TMEM43: variants seen among roughly 807,000 people sequenced by gnomAD.
The protein encoded by TMEM43 is transmembrane protein 43.
In TMEM43, 45 loss-of-function variants were observed where a neutral mutation model predicts 49.6. The observed-to-expected ratio is 0.91, with a 90% CI of 0.71 to 1.16. TMEM43 has a LOEUF of 1.16. TMEM43 is among the 50% of genes most tolerant of loss of function. The pLI is 0.00. For missense variants in TMEM43, 532 were observed against 516.6 expected, an observed-to-expected ratio of 1.03 and a Z score of -0.29; for synonymous variants, 199 against 207.8, an observed-to-expected ratio of 0.96 and a Z score of 0.36.
At position 14,125,968 on chromosome 3, in the gene TMEM43, C is replaced by T. The variant is rs183899611; in HGVS notation, c.12+763C>T. ...GAGAAGCTGGTGACTCACCTCTCCC[C>T]TCCTCTGTGAAAGTGCTTCTAGGGC... On this transcript the variant is annotated intron_variant, in intron 1 of 11. Transcript: ENST00000306077. Among the ~76,000 whole-genome samples the T allele has an allele frequency of 5.9e-3, 896 of 152,266 alleles. 4 individuals carry two copies. The highest frequency in any genetic ancestry group is 0.021 in the African/African-American group (861 of 41,550).
rs200652985 is a variant in TMEM43, at chr3:14,130,877, C to A, written c.218C>A (p.Ser73Tyr). 1 of 1,613,700 alleles carries A rather than the reference C, an allele frequency of 6.2e-7. No homozygotes were observed. Among genetic ancestry groups the A allele is most frequent in the Non-Finnish European group, 8.5e-7 (1 of 1,179,832 alleles). The change falls in exon 3 of 12, where the codon TCT becomes TAT. Residue 73 changes from serine to tyrosine, a missense_variant. Transcript: ENST00000306077. The part of the protein sequence containing the change: ...SLAEGLSLVV[S>Y]PDSIHSVAPE... ...GCTGAGGGGCTCTCGCTTGTGGTGT[C>A]TCCCGACAGCATCCACAGTGTGGCT...
At chr3:14,134,639 A>G in intron 7 of TMEM43, 131 bp from the exon 8 acceptor site, 1 of 1,216,184 alleles carries the variant, frequency 8.2e-7, no homozygotes, top group African/African-American at 1.5e-5. Flanking sequence ...AGAGTCAGAA[A>G]GAGGCACTGC....
chr3:14,127,872 C>A (rs2124984123), intron 1 of TMEM43, among the ~76,000 whole-genome samples: 1 of 152,308 alleles, frequency 6.6e-6, no homozygotes, highest in Admixed American at 6.5e-5. Flanking sequence ...CAAATCACTC[C>A]TCTGGCCCCC....
rs1421000649 is a variant in TMEM43 at position 14,125,092 on chromosome 3, C to T, written c.-102C>T. 3.3e-6 allele frequency: 5 copies of T among 1,506,678 alleles called. No individual in the cohort carries two copies. In the East Asian group the frequency reaches 9.4e-5, roughly 28 times the overall value. The allele number at this position is 1,506,678 out of a possible 1,614,324, so 93.3% of individuals were successfully genotyped here. Reference sequence around the variant, plus strand: ...TGGCCCTGGAGTCCACGCGGATTTTCGAAGCTGGGGCTGGCAAGAGGCCGC... The same window carrying T: ...TGGCCCTGGAGTCCACGCGGATTTTTGAAGCTGGGGCTGGCAAGAGGCCGC... On this transcript the variant is annotated 5_prime_UTR_variant, in exon 1 of 12. Coordinates refer to ENST00000306077, the MANE Select transcript of TMEM43 (RefSeq NM_024334.3).
At chr3:14,135,071 C>G in intron 8 of TMEM43, 87 bp from the exon 9 acceptor site, 1 of 1,487,128 alleles carries the variant, frequency 6.7e-7, no homozygotes, top group Non-Finnish European at 9.3e-7. Flanking sequence ...GGGAGAAGAG[C>G]CTGAGGGGCG....
At chr3:14,133,668 C>A in intron 6 of TMEM43, 71 bp from the exon 7 acceptor site, 3 of 1,483,608 alleles carry the variant, frequency 2.0e-6, no homozygotes, top group Non-Finnish European at 2.8e-6. Flanking sequence ...CTGCCCAGCA[C>A]AAACAACCCA....
chr3:14,140,607 G>A (rs1456267789), intron 11 of TMEM43, among the ~76,000 whole-genome samples: 1 of 152,174 alleles, frequency 6.6e-6, no homozygotes, highest in African/African-American at 2.4e-5. Context: ...CCTGGTTCTG[G>A]CACTTTCTAA....
chr3:14,129,307 T>TTAA, intron 1 of TMEM43, 105 bp from the exon 2 acceptor site: 1 of 378,884 alleles, frequency 2.6e-6, no homozygotes, highest in Non-Finnish European at 4.1e-6. Flanking sequence ...CAGTTAAAAC[T>TTAA]AAAAAAAAAA....
Position 14,134,771 on chromosome 3 carries a change from C to T in TMEM43, c.585C>T (p.Gly195=). ...TTCTAACCACTCTGGTCCCCTCAGG[C>T]CTCATCGACAAAGTCGACAACTTCA... is the stretch of plus-strand genomic sequence containing the variant. ...VQIGRFFLSS[G]LIDKVDNFKS... is the part of the protein sequence containing the mutation. The change falls in exon 8 of 12, where the codon GGC becomes GGT. Residue 195 remains glycine, a splice_region_variant and synonymous_variant. Coordinates refer to ENST00000306077, the MANE Select transcript of TMEM43 (RefSeq NM_024334.3). The T allele has an allele frequency of 6.2e-7, 1 of 1,614,118 alleles. No homozygotes were observed. The highest frequency in any genetic ancestry group is 8.5e-7 in the Non-Finnish European group (1 of 1,179,968).
At chr3:14,141,488 T>C in intron 11 of TMEM43, 105 bp from the exon 12 acceptor site, 1 of 1,094,580 alleles carries the variant, frequency 9.1e-7, no homozygotes, top group Non-Finnish European at 1.4e-6. Context: ...CCCCTCCTCA[T>C]GCATGTAGCA....
At chr3:14,134,499 G>A (rs761282345) in intron 7 of TMEM43, among the ~76,000 whole-genome samples, 13 of 152,200 alleles carry the variant, frequency 8.5e-5, no homozygotes, top group Non-Finnish European at 1.6e-4. Flanking sequence ...GTGGATGGCC[G>A]TAACCTTGAT....
chr3:14,134,996 C>T, intron 8 of TMEM43, 105 bp downstream of exon 8: 1 of 1,563,332 alleles, frequency 6.4e-7, no homozygotes. Context: ...CTGCACTTGG[C>T]CAAGTGCAGC....
chr3:14,139,191 T>G lies in TMEM43; in HGVS notation c.894T>G (p.His298Gln), dbSNP rs188356526. The change falls in exon 11 of 12, where the codon CAT becomes CAG. Residue 298 changes from histidine to glutamine, a missense_variant. His to Gln is a conservative substitution (Grantham distance 24). Coordinates refer to ENST00000306077, the MANE Select transcript of TMEM43 (RefSeq NM_024334.3). ...ACCTTGTCCTGCAGGAGGTGTTTCA[T>G]AGAGAACTAAGGAGCAACTCCATGA... is the stretch of plus-strand genomic sequence containing the variant. ...HGDFSAEEVF[H>Q]RELRSNSMKT... 4.3e-6 allele frequency: 7 copies of G among 1,613,912 alleles called. No individual in the cohort carries two copies. The Admixed American group carries it at 1.2e-4, about 27-fold the overall frequency.
In TMEM43 at chr3:14,131,590, A is replaced by G; in HGVS notation, c.308A>G (p.Asp103Gly). The G allele has an allele frequency of 1.2e-6, 2 of 1,614,060 alleles. No individual in the cohort carries two copies. The highest frequency in any genetic ancestry group is 8.5e-7 in the Non-Finnish European group (1 of 1,179,962). ...TGATTCTGTTTGAAGCTTTTGTCTGATCCAAACTATGGGGTCCATCTTCCG... is the reference window on the plus strand; with the variant it reads ...TGATTCTGTTTGAAGCTTTTGTCTGGTCCAAACTATGGGGTCCATCTTCCG... ...GALRTSKLLS[D>G]PNYGVHLPAV... Residue 103 changes from aspartate (D) to glycine (G), a missense_variant, in exon 4 of 12, where the codon GAT (aspartate) becomes GGT (glycine). Asp to Gly is a moderately conservative substitution (Grantham distance 94). Coordinates refer to ENST00000306077, the MANE Select transcript of TMEM43 (RefSeq NM_024334.3).
intron 1 of TMEM43, among the ~76,000 whole-genome samples, chr3:14,125,462 T>C (rs1193223621): frequency 6.6e-6 from 1 of 152,146 alleles, no homozygotes; most frequent in Non-Finnish European, 1.5e-5. Context: ...TCGGAGGTGT[T>C]GCTCCCGTAC....
Position 14,130,132 on chromosome 3 carries a change from T to C in TMEM43, c.162+571T>C, listed in dbSNP as rs184169899. ...TCCCTCTCTCTTTCTTTTTCTCCTTTTTTTTAATAGGGCCTCATGATGCAA... is the reference window on the plus strand; with the variant it reads ...TCCCTCTCTCTTTCTTTTTCTCCTTCTTTTTAATAGGGCCTCATGATGCAA... On this transcript the variant is annotated intron_variant, in intron 2 of 11. Coordinates refer to ENST00000306077, the MANE Select transcript of TMEM43 (RefSeq NM_024334.3). 4.6e-3 allele frequency among the ~76,000 whole-genome samples: 703 copies of C among 152,106 alleles called. 3 individuals carry two copies. The highest frequency in any genetic ancestry group is 6.1e-3 in the Non-Finnish European group (414 of 67,996).
At position 14,125,067 on chromosome 3, in the gene TMEM43, T is replaced by G; in HGVS notation, c.-127T>G. ...GGAGGTAACTGCAGTAAGTCCCGCT[T>G]GGCCCTGGAGTCCACGCGGATTTTC... On this transcript the variant is annotated 5_prime_UTR_variant, in exon 1 of 12. Coordinates refer to ENST00000306077, the MANE Select transcript of TMEM43 (RefSeq NM_024334.3). 5 of 1,252,078 alleles carry G rather than the reference T, an allele frequency of 4.0e-6. No homozygotes were observed. The highest frequency in any genetic ancestry group is 5.7e-6 in the Non-Finnish European group (5 of 878,330). The allele number at this position is 1,252,078 out of a possible 1,614,324, so 77.6% of individuals were successfully genotyped here. A position where few individuals can be genotyped will look rare whatever the true frequency, so the allele number is the denominator to read the frequency against.
chr3:14,126,057 A>G (rs1695016768), intron 1 of TMEM43, among the ~76,000 whole-genome samples: 1 of 152,002 alleles, frequency 6.6e-6, no homozygotes, highest in Non-Finnish European at 1.5e-5. Flanking sequence ...GTGTCCTAGC[A>G]GCTCTCCCCT....
rs1186450137 is a variant in TMEM43 at position 14,143,117 on chromosome 3, T to G, written c.*1322T>G. On this transcript the variant is annotated 3_prime_UTR_variant, in exon 12 of 12. Coordinates refer to ENST00000306077, the MANE Select transcript of TMEM43 (RefSeq NM_024334.3). ...ACACCTAAGTCACAGAATTTCTAAG[T>G]TCCCCAACTACTCTCACACCCTTTT... 6.6e-6 allele frequency: 1 copy of G among 152,198 alleles called. No homozygotes were observed. Among genetic ancestry groups the G allele is most frequent in the Non-Finnish European group, 1.5e-5 (1 of 68,024 alleles). The allele number at this position is 152,198 out of a possible 1,614,324, so 9.4% of individuals were successfully genotyped here. A position where few individuals can be genotyped will look rare whatever the true frequency, so the allele number is the denominator to read the frequency against.
Sources: gnomAD v4.1 joint callset for allele counts (sites outside exome capture counted in the v4.1 genomes callset) on GRCh38, gnomAD v4.1.1 for gene constraint, MANE v1.5 for transcripts, NCBI Gene and HGNC (gene_info 2026-07-23, HGNC 2026-07-21) for gene names.